MACROD2: variants seen among roughly 807,000 people sequenced by gnomAD.
MACROD2 encodes the protein mono-ADP ribosylhydrolase 2.
MACROD2 carries 36 observed loss-of-function variants against 70.4 expected under a neutral mutation model. The ratio of observed to expected loss-of-function variants is 0.51; its 90% confidence interval spans 0.39 to 0.68. The LOEUF is 0.68. Among genes scored for constraint, MACROD2 ranks in the 30% least tolerant of loss-of-function variants. The pLI is 0.00. For synonymous variants in MACROD2, 172 were observed against 178.8 expected, an observed-to-expected ratio of 0.96 and a Z score of 0.30; for missense variants, 496 against 538.4, an observed-to-expected ratio of 0.92 and a Z score of 0.78.
intron 5 of MACROD2, among the ~76,000 whole-genome samples, chr20:15,035,459 C>G (rs1357500236): frequency 6.6e-6 from 1 of 151,896 alleles, no homozygotes; most frequent in Non-Finnish European, 1.5e-5. Context: ...AAATTGTAGT[C>G]AAATTTGGGT....
chr20:15,662,324 A>G (rs2049833225), intron 8 of MACROD2, among the ~76,000 whole-genome samples: 1 of 152,150 alleles, frequency 6.6e-6, no homozygotes, highest in South Asian at 2.1e-4. Context: ...TCCTGAATTC[A>G]TTGGTAGCTA....
intron 5 of MACROD2, among the ~76,000 whole-genome samples, chr20:14,964,585 A>T (rs940868457): frequency 1.3e-5 from 2 of 151,540 alleles, no homozygotes; most frequent in African/African-American, 2.4e-5. Context: ...AAAAATAAAA[A>T]AAATAAAAAA....
In MACROD2 at chr20:15,876,109, A is replaced by ATATATATATATATGTATG. The variant is rs57817982; in HGVS notation, c.728-9652_728-9651insATATATATATGTATGTAT. 1.5e-3 allele frequency among the ~76,000 whole-genome samples: 190 copies of ATATATATATATATGTATG among 124,430 alleles called. 9 individuals are homozygous for ATATATATATATATGTATG. The highest frequency in any genetic ancestry group is 8.1e-3 in the South Asian group (31 of 3,834). 81.6% of individuals were successfully genotyped at this position (124,430 alleles called of 152,430 possible). On this transcript the variant is annotated intron_variant, in intron 9 of 17. Coordinates refer to ENST00000684519, the MANE Select transcript of MACROD2 (RefSeq NM_001351661.2). Reference sequence around the variant, plus strand: ...ATGTCTTTTATATATATATATATATATATGTGTGTATTTTTTTTATTACAC... The same window carrying ATATATATATATATGTATG: ...ATGTCTTTTATATATATATATATATATATATATATATATGTATGTATGTGTGTATTTTTTTTATTACAC...
chr20:14,773,721 C>A (rs2072200101), intron 5 of MACROD2, among the ~76,000 whole-genome samples: 1 of 152,066 alleles, frequency 6.6e-6, no homozygotes. Flanking sequence ...TAGTTGACTT[C>A]ATTGTACAGT....
intron 8 of MACROD2, among the ~76,000 whole-genome samples, chr20:15,861,626 TGG>T (rs999184053): frequency 1.4e-4 from 21 of 152,274 alleles, no homozygotes; most frequent in African/African-American, 5.1e-4. Context: ...GGTCTAGGCT[TGG>T]GCAGAGACTA....
At chr20:15,840,162 C>T (rs972210657) in intron 8 of MACROD2, among the ~76,000 whole-genome samples, 28 of 152,140 alleles carry the variant, frequency 1.8e-4, no homozygotes, top group African/African-American at 6.3e-4. Context: ...GACAGTGGCT[C>T]AAGCCACCAC....
intron 3 of MACROD2, among the ~76,000 whole-genome samples, chr20:14,301,537 GAAAAA>G (rs565192842): frequency 2.0e-5 from 3 of 152,098 alleles, no homozygotes; most frequent in Admixed American, 2.0e-4. Context: ...GATCAAGTAT[GAAAAA>G]ATGTTCTTTT....
intron 6 of MACROD2, among the ~76,000 whole-genome samples, chr20:15,430,213 G>C (rs1236006349): frequency 6.6e-6 from 1 of 151,100 alleles, no homozygotes; most frequent in African/African-American, 2.4e-5. Flanking sequence ...AATTTGTATT[G>C]TATTTTTTTT....
chr20:14,184,476 G>A (rs1391645617), intron 3 of MACROD2, among the ~76,000 whole-genome samples: 1 of 150,016 alleles, frequency 6.7e-6, no homozygotes, highest in Non-Finnish European at 1.5e-5. Flanking sequence ...CCTCGGCTTT[G>A]TTCTTTTTGC....
chr20:14,392,366 T>C (rs1003468641), intron 3 of MACROD2, among the ~76,000 whole-genome samples: 1 of 152,200 alleles, frequency 6.6e-6, no homozygotes, highest in African/African-American at 2.4e-5. Context: ...TGTAAATATA[T>C]GCAGTTAGAC....
At chr20:14,874,679 T>G (rs956432221) in intron 5 of MACROD2, among the ~76,000 whole-genome samples, 1 of 88,422 alleles carries the variant, frequency 1.1e-5, no homozygotes, top group African/African-American at 4.1e-5. Flanking sequence ...TTGTATTTAT[T>G]TATTTATTTA....
intron 8 of MACROD2, among the ~76,000 whole-genome samples, chr20:15,618,372 T>G (rs1177097987): frequency 6.6e-6 from 1 of 152,112 alleles, no homozygotes; most frequent in Non-Finnish European, 1.5e-5. Flanking sequence ...AACAAGGCAG[T>G]TATCTGCAAA....
chr20:15,870,853 G>A lies in MACROD2; in HGVS notation c.727+8027G>A, dbSNP rs180829536. On this transcript the variant is annotated intron_variant, in intron 9 of 17. Coordinates refer to ENST00000684519, the MANE Select transcript of MACROD2 (RefSeq NM_001351661.2). ...GTATTGTTAACACAGCTAGACAAGGGTATAGCACTGCTTTTTACGTATTTA... is the reference window on the plus strand; with the variant it reads ...GTATTGTTAACACAGCTAGACAAGGATATAGCACTGCTTTTTACGTATTTA... 1.1e-3 allele frequency among the ~76,000 whole-genome samples: 175 copies of A among 152,248 alleles called. 1 individual carries two copies. In the East Asian group the frequency reaches 0.026, roughly 23 times the overall value.
At chr20:15,308,278 T>A (rs931877397) in intron 6 of MACROD2, among the ~76,000 whole-genome samples, 1 of 152,200 alleles carries the variant, frequency 6.6e-6, no homozygotes. Context: ...ATTATTTCTG[T>A]GTTGCTTATC....
intron 5 of MACROD2, among the ~76,000 whole-genome samples, chr20:14,997,200 C>T (rs563105197): frequency 2.0e-5 from 3 of 152,172 alleles, no homozygotes; most frequent in Non-Finnish European, 2.9e-5. Context: ...TGTTTTACAA[C>T]GTGGATACCA....
rs112241717 is a variant in MACROD2 at position 14,918,910 on chromosome 20, T to G, written c.418+233951T>G. Among the ~76,000 whole-genome samples, 18 of 152,286 alleles carry G rather than the reference T, an allele frequency of 1.2e-4. 1 individual carries two copies. Among genetic ancestry groups the G allele is most frequent in the African/African-American group, 3.8e-4 (16 of 41,568 alleles). On this transcript the variant is annotated intron_variant, in intron 5 of 17. Transcript: ENST00000684519. ...CTTCATTTAAAGAACTGTCTTTAGCTCTATTTTACTTTTATTTCATCAACT... is the reference window on the plus strand; with the variant it reads ...CTTCATTTAAAGAACTGTCTTTAGCGCTATTTTACTTTTATTTCATCAACT...
chr20:14,758,916 C>T (rs1361847213), intron 5 of MACROD2, among the ~76,000 whole-genome samples: 9 of 151,980 alleles, frequency 5.9e-5, no homozygotes. Flanking sequence ...AATATGGGGG[C>T]CCACTTATAA....
chr20:15,457,669 A>T (rs534956580), intron 7 of MACROD2, among the ~76,000 whole-genome samples: 1 of 152,258 alleles, frequency 6.6e-6, no homozygotes, highest in South Asian at 2.1e-4. Context: ...AGTTGTATAA[A>T]TCATCCCCTT....
At chr20:15,124,362 T>TTC (rs2076051580) in intron 5 of MACROD2, among the ~76,000 whole-genome samples, 1 of 151,176 alleles carries the variant, frequency 6.6e-6, no homozygotes, top group African/African-American at 2.4e-5. Flanking sequence ...TTTTTTTTTT[T>TTC]TCTAAAAAAA....
Sources: gnomAD v4.1 joint callset for allele counts (sites outside exome capture counted in the v4.1 genomes callset) on GRCh38, gnomAD v4.1.1 for gene constraint, MANE v1.5 for transcripts, NCBI Gene and HGNC (gene_info 2026-07-23, HGNC 2026-07-21) for gene names.